The following APBA2 variants were observed in gnomAD, a reference collection of about 807,000 sequenced individuals.
APBA2 encodes amyloid beta precursor protein binding family A member 2, also known as amyloid-beta A4 precursor protein-binding family A member 2.
APBA2 carries 30 observed loss-of-function variants against 75.0 expected under a neutral mutation model. That is an observed-to-expected ratio of 0.40 (90% CI 0.30 to 0.54). APBA2 has a LOEUF of 0.54. Among genes scored for constraint, APBA2 ranks in the 20% least tolerant of loss-of-function variants. The probability of loss-of-function intolerance (pLI) is 0.49; values close to 1 mark genes in which losing one functional copy is unlikely to be tolerated. For missense variants in APBA2, 801 were observed against 1,016.1 expected (o/e 0.79, Z 2.88); for synonymous variants, 444 against 409.6 (o/e 1.08, Z -1.01).
At chr15:29,095,339 G>A (rs982205671) in intron 8 of APBA2, among the ~76,000 whole-genome samples, 1 of 151,802 alleles carries the variant, frequency 6.6e-6, no homozygotes, top group Non-Finnish European at 1.5e-5. Flanking sequence ...TGAGGCAGGA[G>A]AATCACTTGA....
chr15:29,074,787 G>A (rs1016491303), intron 4 of APBA2, 134 bp from the exon 5 acceptor site: 6 of 729,940 alleles, frequency 8.2e-6, no homozygotes, highest in Middle Eastern at 2.3e-4. Flanking sequence ...TTAAATAGAC[G>A]TCTGCACACA....
intron 3 of APBA2, among the ~76,000 whole-genome samples, chr15:29,026,962 C>T (rs1191235428): frequency 6.6e-6 from 1 of 152,102 alleles, no homozygotes; most frequent in Non-Finnish European, 1.5e-5. Context: ...TATTTCTCTT[C>T]AATTGTTAAT....
At chr15:28,941,502 C>CAAAA (rs72376564) in intron 2 of APBA2, among the ~76,000 whole-genome samples, 25 of 59,782 alleles carry the variant, frequency 4.2e-4, no homozygotes, top group African/African-American at 1.0e-3. Context: ...ACTTGGGAGG[C>CAAAA]AAAAAAAAAA....
In APBA2 at chr15:29,097,075, C is replaced by T. The variant is rs143034890; in HGVS notation, c.1252-1415C>T. On this transcript the variant is annotated intron_variant, in intron 8 of 14. Transcript: ENST00000683413. ...CACCTCTCTTGGCTTCTCTCTGTCG[C>T]TGTGAGGACAGCACTTAGGCCAGCC... Among the ~76,000 whole-genome samples the T allele has an allele frequency of 2.9e-3, 437 of 152,384 alleles. 3 individuals carry two copies. Among genetic ancestry groups the T allele is most frequent in the Non-Finnish European group, 4.7e-3 (322 of 68,038 alleles).
At chr15:29,059,108 G>A (rs114362472) in intron 4 of APBA2, among the ~76,000 whole-genome samples, 327 of 152,312 alleles carry the variant, frequency 2.1e-3, no homozygotes, top group African/African-American at 7.4e-3. Flanking sequence ...CAACTCTCAC[G>A]TTCCCAGCTG....
intron 4 of APBA2, among the ~76,000 whole-genome samples, chr15:29,074,419 C>T (rs2042757632): frequency 1.3e-5 from 2 of 152,214 alleles, no homozygotes; most frequent in Non-Finnish European, 2.9e-5. Context: ...TGCTTAATCA[C>T]TCCACTTACA....
At position 29,093,094 on chromosome 15, in the gene APBA2, A is replaced by G. The variant is rs898933525; in HGVS notation, c.1089A>G (p.Pro363=). Residue 363 remains proline, a synonymous_variant, in exon 7 of 15, where the codon CCA becomes CCG. Coordinates refer to ENST00000683413, the MANE Select transcript of APBA2 (RefSeq NM_001353788.2). ...CTTCAGTTCCAGGGCCCTGCGAACC[A>G]GAAGACCTCATCGACGGGATCATCT... ...SFVAVPGPCE[P]EDLIDGIIFA... is the part of the protein sequence containing the mutation. 4.3e-6 allele frequency: 7 copies of G among 1,614,128 alleles called. No individual in the cohort carries two copies. The highest frequency in any genetic ancestry group is 5.9e-6 in the Non-Finnish European group (7 of 1,180,044).
intron 3 of APBA2, among the ~76,000 whole-genome samples, chr15:29,023,207 G>T (rs1218820696): frequency 6.6e-6 from 1 of 151,982 alleles, no homozygotes; most frequent in Non-Finnish European, 1.5e-5. Context: ...TGTACTTCTA[G>T]GTAGGGTAAC....
At chr15:29,000,775 T>C (rs368631698) in intron 3 of APBA2, among the ~76,000 whole-genome samples, 1 of 152,082 alleles carries the variant, frequency 6.6e-6, no homozygotes, top group African/African-American at 2.4e-5. Context: ...GTATTGTTTT[T>C]ATAGAGGTGG....
chr15:28,997,773 A>C (rs1477832807), intron 3 of APBA2, among the ~76,000 whole-genome samples: 1 of 152,196 alleles, frequency 6.6e-6, no homozygotes, highest in African/African-American at 2.4e-5. Context: ...GAAAAGACCT[A>C]CTGGAATTTT....
chr15:29,113,691 ACT>A (rs1286818147), intron 13 of APBA2, among the ~76,000 whole-genome samples, 183 bp from the exon 14 acceptor site: 3 of 151,450 alleles, frequency 2.0e-5, no homozygotes, highest in African/African-American at 7.3e-5. Flanking sequence ...CATGGCATTA[ACT>A]CTCTTGTTTT....
chr15:29,104,289 G>A (rs2044287743), intron 10 of APBA2, among the ~76,000 whole-genome samples: 1 of 152,226 alleles, frequency 6.6e-6, no homozygotes, highest in Non-Finnish European at 1.5e-5. Flanking sequence ...CAGCGCATAA[G>A]GAGGGCTCAC....
At chr15:28,934,545 G>A (rs1160902933) in intron 2 of APBA2, among the ~76,000 whole-genome samples, 2 of 152,224 alleles carry the variant, frequency 1.3e-5, no homozygotes, top group East Asian at 1.9e-4. Context: ...ATTGGCGCCT[G>A]TGTGGGAAGG....
chr15:28,888,015 G>A (rs1200607574), intron 1 of APBA2, among the ~76,000 whole-genome samples: 2 of 152,158 alleles, frequency 1.3e-5, no homozygotes, highest in Non-Finnish European at 2.9e-5. Context: ...GCGCTGGAAG[G>A]AGGTGAAACT....
intron 1 of APBA2, among the ~76,000 whole-genome samples, chr15:28,891,552 G>A (rs1426962064): frequency 6.6e-6 from 1 of 152,202 alleles, no homozygotes; most frequent in Non-Finnish European, 1.5e-5. Flanking sequence ...ATGGGGAGAG[G>A]GTCTGGGAGC....
chr15:28,892,741 G>A (rs924523745), intron 1 of APBA2, among the ~76,000 whole-genome samples: 1 of 151,228 alleles, frequency 6.6e-6, no homozygotes, highest in African/African-American at 2.4e-5. Context: ...TCCTGGAATT[G>A]ACTCTCCAGC....
intron 4 of APBA2, among the ~76,000 whole-genome samples, chr15:29,069,036 C>G (rs1427856677): frequency 2.0e-5 from 3 of 152,172 alleles, no homozygotes; most frequent in Non-Finnish European, 2.9e-5. Context: ...CGCCCCCAGC[C>G]CCCACAGTGA....
chr15:29,054,422 C>T lies in APBA2; in HGVS notation c.538C>T (p.Gln180Ter). The T allele has an allele frequency of 6.2e-7, 1 of 1,614,140 alleles. No homozygotes were observed. Among genetic ancestry groups the T allele is most frequent in the Non-Finnish European group, 8.5e-7 (1 of 1,180,044 alleles). ...DEPSVLEAHD[Q>*]EEDGHYCASK... ...GCCCTCCGTCCTTGAGGCCCATGAC[C>T]AGGAAGAAGATGGTCACTACTGTGC... The change falls in exon 4 of 15, where the codon CAG (glutamine) becomes TAG (stop). Residue 180 changes from glutamine (Q) to a stop codon, truncating the protein, a stop_gained. Transcript: ENST00000683413. LOFTEE classifies it high-confidence loss of function. The surrounding 1 kb of genome is among the most constrained non-coding windows in gnomAD (Gnocchi z 6.1).
At position 28,910,610 on chromosome 15, in the gene APBA2, C is replaced by T. The variant is rs148449916; in HGVS notation, c.-204-11030C>T. ...TGTGCCGAAAGTCTCTGCGTCACAC[C>T]GCCTGGGTTAGTTGGGAAAGAGAGC... On this transcript the variant is annotated intron_variant, in intron 1 of 14. Coordinates refer to ENST00000683413, the MANE Select transcript of APBA2 (RefSeq NM_001353788.2). 5.9e-3 allele frequency among the ~76,000 whole-genome samples: 894 copies of T among 152,230 alleles called. 6 individuals are homozygous for T. The highest frequency in any genetic ancestry group is 8.0e-3 in the Non-Finnish European group (547 of 68,024).
Sources: gnomAD v4.1 joint callset for allele counts (sites outside exome capture counted in the v4.1 genomes callset) on GRCh38, gnomAD v4.1.1 for gene constraint, Gnocchi (gnomAD v3.1) non-coding constraint, MANE v1.5 for transcripts, NCBI Gene and HGNC (gene_info 2026-07-23, HGNC 2026-07-21) for gene names.